GABBR2: variants seen among roughly 807,000 people sequenced by gnomAD.
GABBR2 encodes the protein G-protein coupled receptor 51.
A neutral mutation model predicts 105.6 loss-of-function variants in GABBR2; 23 were observed. The ratio of observed to expected loss-of-function variants is 0.22; its 90% CI spans 0.16 to 0.31. The LOEUF (loss-of-function observed/expected upper bound fraction) is 0.31. Ranked by LOEUF, GABBR2 falls within the 10% of genes least tolerant of loss-of-function variation. GABBR2 has a pLI of 1.00. For synonymous variants in GABBR2, 478 were observed against 499.7 expected, an observed-to-expected ratio of 0.96 and a Z score of 0.58; for missense variants, 734 against 1,245.5, an observed-to-expected ratio of 0.59 and a Z score of 6.18.
intron 1 of GABBR2, among the ~76,000 whole-genome samples, chr9:98,668,776 C>A (rs1830369989): frequency 6.6e-6 from 1 of 152,112 alleles, no homozygotes; most frequent in African/African-American, 2.4e-5. Flanking sequence ...GAATATTTGT[C>A]TTTTTCTGTC....
chr9:98,333,260 A>G (rs7875502), intron 13 of GABBR2, among the ~76,000 whole-genome samples: 21,038 of 152,190 alleles, frequency 0.14, 1,954 homozygotes, highest in African/African-American at 0.25. Flanking sequence ...TAAAGTGGGC[A>G]CTTCTCCTAT....
chr9:98,381,795 T>G (rs1181528455), intron 11 of GABBR2, among the ~76,000 whole-genome samples: 1 of 152,204 alleles, frequency 6.6e-6, no homozygotes, highest in Non-Finnish European at 1.5e-5. Flanking sequence ...AAGCGCTTTA[T>G]GATTTATTCA....
chr9:98,492,358 A>T (rs1394903785), intron 4 of GABBR2, among the ~76,000 whole-genome samples: 1 of 144,500 alleles, frequency 6.9e-6, no homozygotes, highest in Non-Finnish European at 1.5e-5. Context: ...GTAAAAAAAA[A>T]AAAAAAAAAA....
At chr9:98,682,366 CTTTTTTTTTT>C (rs58885676) in intron 1 of GABBR2, among the ~76,000 whole-genome samples, 31 of 52,224 alleles carry the variant, frequency 5.9e-4, no homozygotes, top group African/African-American at 2.2e-3. Flanking sequence ...ATTTTACCAT[CTTTTTTTTTT>C]TTTTTTTTTT....
rs751183890 is a variant in GABBR2 at position 98,388,970 on chromosome 9, C to T, written c.1413G>A (p.Leu471=). ...SEPPKDKTII[L]EQLRKISLPL... is the part of the protein sequence containing the mutation. The stretch of plus-strand genomic sequence containing the variant: ...GTAGGGAGATCTTCCGCAGCTGCTC[C>T]AGGATGATGGTCTTGTCTTTTGGTG... Residue 471 remains leucine (L), a synonymous_variant, in exon 10 of 19, where the codon CTG becomes CTA. Transcript: ENST00000259455. The surrounding 1 kb of genome is among the most constrained non-coding windows in gnomAD (Gnocchi z 4.4). 15 of 1,613,610 alleles carry T rather than the reference C, an allele frequency of 9.3e-6. No individual in the cohort carries two copies. The South Asian group carries it at 1.5e-4, about 17-fold the overall frequency.
chr9:98,338,068 C>A (rs543958378), intron 13 of GABBR2, among the ~76,000 whole-genome samples: 1 of 152,100 alleles, frequency 6.6e-6, no homozygotes, highest in African/African-American at 2.4e-5. Context: ...TATATATCCA[C>A]GTGCAAAATA....
Position 98,288,492 on chromosome 9 carries a change from C to T in GABBR2, c.*2092G>A, listed in dbSNP as rs954528185. The T allele has an allele frequency of 1.3e-5, 2 of 152,582 alleles. No individual in the cohort carries two copies. The highest frequency in any genetic ancestry group is 4.8e-5 in the African/African-American group (2 of 41,434). 9.5% of individuals were successfully genotyped at this position (152,582 alleles called of 1,614,324 possible). A position where few individuals can be genotyped will look rare whatever the true frequency, so the allele number is the denominator to read the frequency against. On this transcript the variant is annotated 3_prime_UTR_variant, in exon 19 of 19. Coordinates refer to ENST00000259455, the MANE Select transcript of GABBR2 (RefSeq NM_005458.8). Reference sequence around the variant, plus strand: ...CAGGCTCACCTCCGACAGTCCAATACTTTTGTTTGTTTTCCTGCTATGCTG... The same window carrying T: ...CAGGCTCACCTCCGACAGTCCAATATTTTTGTTTGTTTTCCTGCTATGCTG...
intron 1 of GABBR2, among the ~76,000 whole-genome samples, chr9:98,650,291 G>A (rs7873740): frequency 0.077 from 11,664 of 152,188 alleles, 498 homozygotes; most frequent in African/African-American, 0.095. Flanking sequence ...GCTGGGTGAC[G>A]GAGGATGAGT....
At chr9:98,337,901 A>G (rs970309545) in intron 13 of GABBR2, among the ~76,000 whole-genome samples, 1 of 152,166 alleles carries the variant, frequency 6.6e-6, no homozygotes, top group African/African-American at 2.4e-5. Context: ...GGGTGCCTGT[A>G]ATCCCAGTTA....
chr9:98,436,538 G>T (rs1825930299), intron 7 of GABBR2, among the ~76,000 whole-genome samples: 1 of 149,544 alleles, frequency 6.7e-6, no homozygotes, highest in African/African-American at 2.5e-5. Context: ...TTTTCACTTT[G>T]CAGAAGATAA....
At chr9:98,379,812 A>G (rs1283438417) in intron 11 of GABBR2, among the ~76,000 whole-genome samples, 1 of 152,214 alleles carries the variant, frequency 6.6e-6, no homozygotes, top group East Asian at 1.9e-4. Context: ...AGGTTCAGAG[A>G]TGTTAAATAG....
intron 5 of GABBR2, among the ~76,000 whole-genome samples, chr9:98,480,291 G>C (rs796781243): frequency 3.5e-4 from 53 of 152,258 alleles, no homozygotes; most frequent in African/African-American, 1.3e-3. Flanking sequence ...ACTTAAGCTA[G>C]AAGTCATATG....
At chr9:98,384,991 A>G (rs1371261724) in intron 11 of GABBR2, among the ~76,000 whole-genome samples, 1 of 152,242 alleles carries the variant, frequency 6.6e-6, no homozygotes, top group African/African-American at 2.4e-5. Context: ...TATAGCTTTT[A>G]CCATATAACT....
chr9:98,383,800 T>TG (rs1832023525), intron 11 of GABBR2, among the ~76,000 whole-genome samples: 1 of 152,278 alleles, frequency 6.6e-6, no homozygotes, highest in Admixed American at 6.5e-5. Context: ...TGTAAGATCT[T>TG]GGGGGGCTTC....
chr9:98,617,870 A>G (rs1034564683), intron 1 of GABBR2, among the ~76,000 whole-genome samples: 1 of 152,178 alleles, frequency 6.6e-6, no homozygotes, highest in African/African-American at 2.4e-5. Flanking sequence ...ACAGATCTGC[A>G]CCCAGTGATG....
chr9:98,357,785 C>G (rs1479311519), intron 13 of GABBR2, among the ~76,000 whole-genome samples: 2 of 152,138 alleles, frequency 1.3e-5, no homozygotes, highest in Non-Finnish European at 2.9e-5. Context: ...GTGTGCCTGT[C>G]TCAATCATAT....
At chr9:98,378,886 T>G (rs1020227492) in intron 11 of GABBR2, among the ~76,000 whole-genome samples, 2 of 151,916 alleles carry the variant, frequency 1.3e-5, no homozygotes, top group African/African-American at 2.4e-5. Flanking sequence ...ATATACATAC[T>G]TTTTTTAAGT....
At chr9:98,543,594 G>A (rs1828347005) in intron 2 of GABBR2, among the ~76,000 whole-genome samples, 1 of 152,038 alleles carries the variant, frequency 6.6e-6, no homozygotes. Context: ...TGAACCCCTG[G>A]GCTCAAGCCT....
rs574497375 is a variant in GABBR2 at position 98,315,044 on chromosome 9, C to T, written c.1894-3839G>A. On this transcript the variant is annotated intron_variant, in intron 13 of 18. Transcript: ENST00000259455. ...TTCACAGAACTGCTGCTAGCCCAGTCTTTCCCCCTGTGCTGCTGACATTCC... is the reference window on the plus strand; with the variant it reads ...TTCACAGAACTGCTGCTAGCCCAGTTTTTCCCCCTGTGCTGCTGACATTCC... Among the ~76,000 whole-genome samples, 3 of 152,318 alleles carry T rather than the reference C, an allele frequency of 2.0e-5. No individual in the cohort carries two copies. The South Asian group carries it at 6.2e-4, about 32-fold the overall frequency.
Sources: gnomAD v4.1 joint callset for allele counts (sites outside exome capture counted in the v4.1 genomes callset) on GRCh38, gnomAD v4.1.1 for gene constraint, Gnocchi (gnomAD v3.1) non-coding constraint, MANE v1.5 for transcripts, NCBI Gene and HGNC (gene_info 2026-07-23, HGNC 2026-07-21) for gene names.